Variants in DLC1 observed in about 807,000 individuals in gnomAD.
The protein encoded by DLC1 is rho GTPase-activating protein 7.
A neutral mutation model predicts 140.3 loss-of-function variants in DLC1; 54 were observed. That is an observed-to-expected ratio of 0.38 (90% confidence interval 0.31 to 0.48). The LOEUF is 0.48. DLC1 is among the 20% of genes least tolerant of loss of function. The probability of loss-of-function intolerance (pLI) is 0.96; values close to 1 mark genes in which losing one functional copy is unlikely to be tolerated. For synonymous variants in DLC1, 986 were observed against 728.1 expected, an observed-to-expected ratio of 1.35 and a Z score of -5.70; for missense variants, 2,536 against 1,907.0, an observed-to-expected ratio of 1.33 and a Z score of -6.14.
intron 5 of DLC1, among the ~76,000 whole-genome samples, chr8:13,260,090 G>A (rs1830414888): frequency 6.6e-6 from 1 of 152,146 alleles, no homozygotes; most frequent in Non-Finnish European, 1.5e-5. Context: ...TGCTTTAGCG[G>A]AACAGCAAGG....
intron 6 of DLC1, among the ~76,000 whole-genome samples, chr8:13,111,658 T>A (rs957195353): frequency 1.3e-5 from 2 of 152,144 alleles, no homozygotes; most frequent in African/African-American, 4.8e-5. Context: ...ACAACAGCTC[T>A]GAAATTGCCA....
chr8:13,407,414 ACAG>A (rs1466190619), intron 2 of DLC1, among the ~76,000 whole-genome samples: 1 of 152,162 alleles, frequency 6.6e-6, no homozygotes, highest in Admixed American at 6.5e-5. Flanking sequence ...CAGCACAAAC[ACAG>A]CACACACACA....
chr8:13,409,801 C>T (rs909534517), intron 2 of DLC1, among the ~76,000 whole-genome samples: 1 of 152,070 alleles, frequency 6.6e-6, no homozygotes. Context: ...TTTTCAATAG[C>T]GGCAGATTGT....
chr8:13,494,086 A>G (rs1801386736), intron 2 of DLC1, among the ~76,000 whole-genome samples: 1 of 152,200 alleles, frequency 6.6e-6, no homozygotes, highest in Admixed American at 6.5e-5. Flanking sequence ...TAATATATCA[A>G]ATAGTTTCAT....
intron 2 of DLC1, among the ~76,000 whole-genome samples, chr8:13,473,361 G>C (rs899340884): frequency 6.6e-6 from 1 of 152,160 alleles, no homozygotes; most frequent in Non-Finnish European, 1.5e-5. Flanking sequence ...AGTCTCACGA[G>C]ATCTGATGGT....
intron 2 of DLC1, among the ~76,000 whole-genome samples, chr8:13,428,559 A>G (rs1036622650): frequency 5.9e-5 from 9 of 152,126 alleles, no homozygotes; most frequent in African/African-American, 1.7e-4. Context: ...CCTTTTATCT[A>G]TTGTTTTGTT....
chr8:13,098,351 C>G, intron 10 of DLC1, 48 bp downstream of exon 10: 2 of 1,603,378 alleles, frequency 1.2e-6, no homozygotes, highest in Non-Finnish European at 1.7e-6. Flanking sequence ...AGGAACTGAC[C>G]AAAAATATCA....
At chr8:13,110,348 G>A (rs1328204641) in intron 7 of DLC1, among the ~76,000 whole-genome samples, 1 of 152,130 alleles carries the variant, frequency 6.6e-6, no homozygotes, top group African/African-American at 2.4e-5. Flanking sequence ...AGGTTGAGAG[G>A]AGCGTTCTTG....
At chr8:13,236,928 C>A (rs1362127304) in intron 5 of DLC1, among the ~76,000 whole-genome samples, 1 of 152,000 alleles carries the variant, frequency 6.6e-6, no homozygotes, top group African/African-American at 2.4e-5. Context: ...CTGAAAATAA[C>A]TTGGTGTCTC....
chr8:13,312,386 A>AAAAAAAAAAAAAAG (rs71207139), intron 4 of DLC1, among the ~76,000 whole-genome samples: 1 of 81,680 alleles, frequency 1.2e-5, no homozygotes, highest in Non-Finnish European at 2.5e-5. Flanking sequence ...AAAAAAAAAA[A>AAAAAAAAAAAAAAG]AATAATTTCT....
At chr8:13,277,354 C>A (rs1305410346) in intron 5 of DLC1, among the ~76,000 whole-genome samples, 1 of 152,116 alleles carries the variant, frequency 6.6e-6, no homozygotes, top group African/African-American at 2.4e-5. Flanking sequence ...GAGTTTTAAA[C>A]AAAATACTGA....
At chr8:13,402,941 C>T (rs1288530741) in intron 2 of DLC1, among the ~76,000 whole-genome samples, 1 of 152,178 alleles carries the variant, frequency 6.6e-6, no homozygotes, top group Non-Finnish European at 1.5e-5. Context: ...CAGGTATTAT[C>T]TTTCACATGT....
At chr8:13,516,323 C>A (rs1164620917), upstream of DLC1, among the ~76,000 whole-genome samples, 1 of 152,070 alleles carries the variant, frequency 6.6e-6, no homozygotes, top group East Asian at 1.9e-4. Context: ...ACTTGTTGGC[C>A]CTAAGATCTA....
chr8:13,125,772 G>C (rs1821506477), intron 5 of DLC1, among the ~76,000 whole-genome samples: 1 of 151,500 alleles, frequency 6.6e-6, no homozygotes, highest in South Asian at 2.1e-4. Context: ...TTGAGATTTG[G>C]AGACATACAT....
At chr8:13,137,194 C>T (rs1332401917) in intron 5 of DLC1, among the ~76,000 whole-genome samples, 1 of 152,140 alleles carries the variant, frequency 6.6e-6, no homozygotes, top group Non-Finnish European at 1.5e-5. Context: ...CTCTTAGGGT[C>T]CCCAGGCCCC....
At chr8:13,582,987 C>T (rs934908938) in intron 1 of DLC1, among the ~76,000 whole-genome samples, 9 of 146,892 alleles carry the variant, frequency 6.1e-5, no homozygotes, top group Admixed American at 1.4e-4. Flanking sequence ...GCTGAAAATG[C>T]TAATGGTCAT....
Position 13,100,190 on chromosome 8 carries a change from A to G in DLC1, c.2147T>C (p.Ile716Thr), listed in dbSNP as rs114637912. ...GATGCGGTTGCCATTGAGGGCGGAG[A>G]TCTCCACGCAGTTGAGCTGCTTCAG... ...EKLKQLNCVE[I>T]SALNGNRINV... is the part of the protein sequence containing the mutation. Residue 716 changes from isoleucine to threonine, a missense_variant, in exon 9 of 18, where the codon ATC becomes ACC. Coordinates refer to ENST00000276297, the MANE Select transcript of DLC1 (RefSeq NM_182643.3). 316 of 1,613,740 alleles carry G rather than the reference A, an allele frequency of 2.0e-4. No individual in the cohort carries two copies. The African/African-American group carries it at 3.9e-3, about 20-fold the overall frequency.
At position 13,579,260 on chromosome 8, in the gene DLC1, A is replaced by ATATATATATATATATATATATG. The variant is rs1182154684; in HGVS notation, c.-126+25276_-126+25277insCATATATATATATATATATATA. Among the ~76,000 whole-genome samples the ATATATATATATATATATATATG allele has an allele frequency of 1.2e-4, 13 of 109,468 alleles. 4 individuals are homozygous for ATATATATATATATATATATATG. The highest frequency in any genetic ancestry group is 4.7e-4 in the African/African-American group (13 of 27,904). 71.8% of individuals were successfully genotyped at this position (109,468 alleles called of 152,430 possible). A position where few individuals can be genotyped will look rare whatever the true frequency, so the allele number is the denominator to read the frequency against. On this transcript the variant is annotated intron_variant, in intron 1 of 1. Transcript: ENST00000631382. ...GAACAGGGAGCATATATATATATAT[A>ATATATATATATATATATATATG]TATATATATGCACATATCTACCTGG...
chr8:13,117,038 CT>C (rs1029850484), intron 5 of DLC1, among the ~76,000 whole-genome samples: 13 of 152,020 alleles, frequency 8.6e-5, no homozygotes, highest in Non-Finnish European at 1.0e-4. Context: ...TTTGAGCTTA[CT>C]TTTTTTTCGT....
Sources: allele counts gnomAD v4.1 joint callset (sites outside exome capture counted in the v4.1 genomes callset), GRCh38; gene constraint gnomAD v4.1.1; transcripts MANE v1.5; gene names NCBI Gene and HGNC (gene_info 2026-07-23, HGNC 2026-07-21).